The following RAB8B variants were observed in gnomAD, a reference collection of about 807,000 sequenced individuals.
RAB8B encodes RAB8B, member RAS oncogene family.
RAB8B carries 11 observed loss-of-function variants against 32.0 expected under a neutral mutation model. The observed-to-expected ratio is 0.34, with a 90% CI of 0.22 to 0.57. The LOEUF (loss-of-function observed/expected upper bound fraction) is 0.57, where lower values mean the gene tolerates loss of function less well. Ranked by LOEUF, RAB8B falls within the 20% of genes least tolerant of loss-of-function variation. The pLI is 0.86. For synonymous variants in RAB8B, 103 were observed against 89.6 expected, an observed-to-expected ratio of 1.15 and a Z score of -0.85; for missense variants, 190 against 258.5, an observed-to-expected ratio of 0.73 and a Z score of 1.82.
intron 1 of RAB8B, among the ~76,000 whole-genome samples, chr15:63,210,806 G>A (rs1426936955): frequency 6.6e-6 from 1 of 152,144 alleles, no homozygotes; most frequent in South Asian, 2.1e-4. Flanking sequence ...GCTGTAGGCT[G>A]GTTTTTATTG....
At chr15:63,242,866 G>C (rs1047289157) in intron 1 of RAB8B, among the ~76,000 whole-genome samples, 7 of 152,058 alleles carry the variant, frequency 4.6e-5, no homozygotes, top group East Asian at 1.9e-4. Flanking sequence ...GGAGGTGGTG[G>C]TGGTGTGGGG....
intron 3 of RAB8B, 53 bp from the exon 4 acceptor site, chr15:63,255,454 C>A: frequency 8.1e-7 from 1 of 1,236,100 alleles, no homozygotes. Context: ...ACATTATATA[C>A]TATAACTTTA....
intron 1 of RAB8B, among the ~76,000 whole-genome samples, chr15:63,204,526 C>G (rs1225527822): frequency 1.3e-5 from 2 of 152,156 alleles, no homozygotes; most frequent in African/African-American, 4.8e-5. Context: ...TCTGTTAGGG[C>G]CCTGAATTTT....
intron 1 of RAB8B, among the ~76,000 whole-genome samples, chr15:63,217,343 G>A (rs569831391): frequency 6.6e-6 from 1 of 152,158 alleles, no homozygotes; most frequent in African/African-American, 2.4e-5. Flanking sequence ...GGAATATGGG[G>A]TTTTTCCATT....
intron 1 of RAB8B, among the ~76,000 whole-genome samples, chr15:63,218,046 C>T (rs117382813): frequency 0.013 from 1,996 of 152,128 alleles, 21 homozygotes; most frequent in Middle Eastern, 0.044. Context: ...CTTTTTTCCC[C>T]TTCCTCACTT....
intron 3 of RAB8B, among the ~76,000 whole-genome samples, chr15:63,250,907 AG>A (rs2152580726): frequency 1.3e-5 from 2 of 151,850 alleles, no homozygotes; most frequent in East Asian, 3.9e-4. Flanking sequence ...GAGTGGTGCT[AG>A]GATGACAGAG....
intron 1 of RAB8B, among the ~76,000 whole-genome samples, chr15:63,219,553 G>A (rs1378721830): frequency 6.6e-6 from 1 of 151,828 alleles, no homozygotes; most frequent in Non-Finnish European, 1.5e-5. Flanking sequence ...AAGGAGTAAG[G>A]GTCAAGTGCT....
At position 63,216,233 on chromosome 15, in the gene RAB8B, TA is replaced by T. The variant is rs908650884; in HGVS notation, c.124+26486del. Among the ~76,000 whole-genome samples, 878 of 132,760 alleles carry T rather than the reference TA, an allele frequency of 6.6e-3. 38 individuals are homozygous for T. The highest frequency in any genetic ancestry group is 8.6e-3 in the Non-Finnish European group (538 of 62,764). 87.1% of individuals were successfully genotyped at this position (132,760 alleles called of 152,430 possible). A position where few individuals can be genotyped will look rare whatever the true frequency, so the allele number is the denominator to read the frequency against. ...ATTAATTAATTAATTAATTAATTAT[TA>T]TTTTTTTTTTTGGAGACAGAGTCTT... is the stretch of plus-strand genomic sequence containing the variant. On this transcript the variant is annotated intron_variant, in intron 1 of 7. Coordinates refer to ENST00000321437, the MANE Select transcript of RAB8B (RefSeq NM_016530.3).
At chr15:63,210,179 A>T (rs2652818) in intron 1 of RAB8B, among the ~76,000 whole-genome samples, 1 of 152,018 alleles carries the variant, frequency 6.6e-6, no homozygotes, top group Non-Finnish European at 1.5e-5. Context: ...ATTGATTTTC[A>T]TTTTATTTTG....
At chr15:63,225,339 G>T (rs996944058) in intron 1 of RAB8B, among the ~76,000 whole-genome samples, 1 of 152,206 alleles carries the variant, frequency 6.6e-6, no homozygotes, top group Non-Finnish European at 1.5e-5. Context: ...TTACTGGAGT[G>T]CTAGGAGAGA....
intron 1 of RAB8B, among the ~76,000 whole-genome samples, chr15:63,197,412 C>T (rs1453995058): frequency 1.5e-5 from 1 of 66,972 alleles, no homozygotes; most frequent in Non-Finnish European, 2.6e-5. Flanking sequence ...CTTGTTCTTT[C>T]GCCCAGGCTG....
chr15:63,217,307 G>A (rs998117343), intron 1 of RAB8B, among the ~76,000 whole-genome samples: 1 of 152,118 alleles, frequency 6.6e-6, no homozygotes, highest in African/African-American at 2.4e-5. Flanking sequence ...AAAAATAAAC[G>A]TCCTTTACAT....
intron 1 of RAB8B, among the ~76,000 whole-genome samples, chr15:63,200,368 T>C (rs1016188993): frequency 2.0e-5 from 3 of 152,260 alleles, no homozygotes; most frequent in African/African-American, 7.2e-5. Flanking sequence ...TCCTATTCTT[T>C]AAAATGTTTT....
At chr15:63,243,563 G>A (rs1276927170) in intron 1 of RAB8B, among the ~76,000 whole-genome samples, 1 of 152,134 alleles carries the variant, frequency 6.6e-6, no homozygotes, top group Non-Finnish European at 1.5e-5. Context: ...AAGTGCCCGA[G>A]GCCTTCAAAA....
chr15:63,258,819 G>A (rs1049216981), intron 5 of RAB8B, among the ~76,000 whole-genome samples: 5 of 152,128 alleles, frequency 3.3e-5, no homozygotes, highest in East Asian at 1.9e-4. Flanking sequence ...TATACCCTGC[G>A]CAGACGTCTG....
intron 1 of RAB8B, among the ~76,000 whole-genome samples, chr15:63,201,938 A>G (rs1031479880): frequency 6.6e-6 from 1 of 151,902 alleles, no homozygotes; most frequent in Non-Finnish European, 1.5e-5. Flanking sequence ...TACCCATAGG[A>G]CCAGCCCCTT....
At chr15:63,247,162 A>T (rs1159783327) in intron 2 of RAB8B, among the ~76,000 whole-genome samples, 1 of 152,192 alleles carries the variant, frequency 6.6e-6, no homozygotes, top group Non-Finnish European at 1.5e-5. Context: ...TTGTATCCTC[A>T]CATGGCCCAG....
At chr15:63,245,948 C>CT (rs2038067888) in intron 2 of RAB8B, among the ~76,000 whole-genome samples, 1 of 152,164 alleles carries the variant, frequency 6.6e-6, no homozygotes, top group African/African-American at 2.4e-5. Flanking sequence ...GCTCGGCTCA[C>CT]TGCAACCTCC....
chr15:63,238,741 G>C (rs1414947697), intron 1 of RAB8B, among the ~76,000 whole-genome samples: 3 of 152,040 alleles, frequency 2.0e-5, no homozygotes, highest in Non-Finnish European at 4.4e-5. Context: ...ATGGATTCTA[G>C]GAGTGACCCA....
Sources: gnomAD v4.1 joint callset for allele counts (sites outside exome capture counted in the v4.1 genomes callset) on GRCh38, gnomAD v4.1.1 for gene constraint, MANE v1.5 for transcripts, NCBI Gene and HGNC (gene_info 2026-07-23, HGNC 2026-07-21) for gene names.